The following HOXB6 variants were observed in gnomAD, a reference collection of about 807,000 sequenced individuals.
HOXB6 encodes homeobox B6, also known as homeobox protein Hox-B6.
HOXB6 carries 18 observed loss-of-function variants against 24.2 expected under a neutral mutation model. That is an observed-to-expected ratio of 0.74 (90% confidence interval 0.51 to 1.10). The LOEUF (loss-of-function observed/expected upper bound fraction) is 1.10. Among genes scored for constraint, HOXB6 ranks in the 50% least tolerant of loss-of-function variants. The pLI, the probability that HOXB6 is intolerant of heterozygous loss-of-function variation, is 0.00. For missense variants in HOXB6, 332 were observed against 308.3 expected (o/e 1.08, Z -0.58); for synonymous variants, 159 against 139.1 (o/e 1.14, Z -1.01).
intron 1 of HOXB6, 42 bp downstream of exon 1, chr17:48,604,820 T>TCTCTCC (rs2070545137): frequency 6.7e-6 from 1 of 149,922 alleles, no homozygotes; most frequent in African/African-American, 2.4e-5. Context: ...CACCCCTCCT[T>TCTCTCC]CTCTCCCTCT....
In HOXB6 at chr17:48,604,541, A is replaced by C. The variant is rs2070540264; in HGVS notation, c.-140T>G. ...TAAAGGAATGGGTGGGGAGGAAGGA[A>C]GGAGTATTCAGTTTCTTCTTCAGCT... is the stretch of plus-strand genomic sequence containing the variant. On this transcript the variant is annotated 5_prime_UTR_variant, in exon 2 of 4. Coordinates refer to ENST00000225648, the MANE Select transcript of HOXB6 (RefSeq NM_018952.5). 1 of 152,608 alleles carries C rather than the reference A, an allele frequency of 6.6e-6. No homozygotes were observed. Among genetic ancestry groups the C allele is most frequent in the African/African-American group, 2.4e-5 (1 of 41,424 alleles). The allele number at this position is 152,608 out of a possible 1,614,324, so 9.5% of individuals were successfully genotyped here. A position where few individuals can be genotyped will look rare whatever the true frequency, so the allele number is the denominator to read the frequency against.
In HOXB6 at chr17:48,597,720, G is replaced by A. The variant is rs1402643722; in HGVS notation, c.415+16C>T. On this transcript the variant is annotated intron_variant, in intron 3 of 3. Transcript: ENST00000225648. ...CCAGGGGAGCCGGGGCGACGGCGAC[G>A]GGAAGTCTCACTCACTGTTGCACGA... 3 of 1,610,980 alleles carry A rather than the reference G, an allele frequency of 1.9e-6. No homozygotes were observed. Among genetic ancestry groups the A allele is most frequent in the Non-Finnish European group, 2.5e-6 (3 of 1,178,722 alleles).
At chr17:48,602,224 A>G (rs1426935828) in intron 2 of HOXB6, 1 of 456,120 alleles carries the variant, frequency 2.2e-6, no homozygotes, top group Non-Finnish European at 4.4e-6. Flanking sequence ...CCAGGAGAAC[A>G]CAGACCCGGT....
At chr17:48,598,556 C>T (rs889723870) in intron 2 of HOXB6, among the ~76,000 whole-genome samples, 26 of 152,240 alleles carry the variant, frequency 1.7e-4, no homozygotes, top group African/African-American at 6.0e-4. Context: ...ACCCCACTCC[C>T]GGGTGATTAA....
intron 3 of HOXB6, chr17:48,597,091 G>C (rs1175405837): frequency 5.5e-6 from 6 of 1,095,360 alleles, no homozygotes; most frequent in African/African-American, 1.7e-5. Context: ...CCTCACTTTC[G>C]AGTCCGGCTA....
At position 48,597,096 on chromosome 17, in the gene HOXB6, C is replaced by G. The variant is rs377171135; in HGVS notation, c.416-424G>C. On this transcript the variant is annotated intron_variant, in intron 3 of 3. Transcript: ENST00000225648. ...ATTAACGGCTCCTCACTTTCGAGTCCGGCTAATGGACATCAGTTGGGACTT... is the reference window on the plus strand; with the variant it reads ...ATTAACGGCTCCTCACTTTCGAGTCGGGCTAATGGACATCAGTTGGGACTT... 1.1e-5 allele frequency: 12 copies of G among 1,093,406 alleles called. No homozygotes were observed. The African/African-American group carries it at 1.3e-4, about 12-fold the overall frequency. 67.7% of individuals were successfully genotyped at this position (1,093,406 alleles called of 1,614,324 possible).
chr17:48,596,678 A>T lies in HOXB6; in HGVS notation c.416-6T>A, dbSNP rs376188487. 1 of 1,611,750 alleles carries T rather than the reference A, an allele frequency of 6.2e-7. No individual in the cohort carries two copies. The highest frequency in any genetic ancestry group is 8.5e-7 in the Non-Finnish European group (1 of 1,180,008). On this transcript the variant is annotated splice_region_variant and splice_polypyrimidine_tract_variant and intron_variant, in intron 3 of 3. Transcript: ENST00000225648. The surrounding 1 kb of genome is among the most constrained non-coding windows in gnomAD (Gnocchi z 4.8). The stretch of plus-strand genomic sequence containing the variant: ...GCTGGGCCCAAAGGAGGAACCTGTT[A>T]CGCAGAGTGGAGATGCTGAGGCCTG...
chr17:48,602,690 C>A (rs1334372361), intron 2 of HOXB6, among the ~76,000 whole-genome samples: 6 of 152,126 alleles, frequency 3.9e-5, no homozygotes, highest in African/African-American at 1.4e-4. Flanking sequence ...GGGCTCCAGG[C>A]GTCGGGCACC....
chr17:48,596,391 C>A lies in HOXB6; in HGVS notation c.*22G>T. 6.2e-7 allele frequency: 1 copy of A among 1,614,210 alleles called. No homozygotes were observed. Among genetic ancestry groups the A allele is most frequent in the Non-Finnish European group, 8.5e-7 (1 of 1,180,016 alleles). The stretch of plus-strand genomic sequence containing the variant: ...TCCCCACAGGCCTTTCCCCTCGCGT[C>A]CTCCCTCCCTTTCCAGCACCTTCAC... On this transcript the variant is annotated 3_prime_UTR_variant, in exon 4 of 4. Coordinates refer to ENST00000225648, the MANE Select transcript of HOXB6 (RefSeq NM_018952.5). The surrounding 1 kb of genome is among the most constrained non-coding windows in gnomAD (Gnocchi z 4.8).
In HOXB6 at chr17:48,596,923, AG is replaced by A; in HGVS notation, c.416-252del. 1.5e-6 allele frequency: 2 copies of A among 1,366,386 alleles called. No homozygotes were observed. The highest frequency in any genetic ancestry group is 1.9e-6 in the Non-Finnish European group (2 of 1,049,876). 84.6% of individuals were successfully genotyped at this position (1,366,386 alleles called of 1,614,324 possible). On this transcript the variant is annotated intron_variant, in intron 3 of 3. Coordinates refer to ENST00000225648, the MANE Select transcript of HOXB6 (RefSeq NM_018952.5). This position sits in a 1 kb window ranked among gnomAD's most constrained non-coding sequence, Gnocchi z 4.8. ...TGAACTCCCACCTGAGCCTGGGGGG[AG>A]GGGCTGGTCAGGTGTGTCTCTTCCT...
Position 48,597,893 on chromosome 17 carries a change from C to G in HOXB6, c.258G>C (p.Ser86=). 1 of 1,586,150 alleles carries G rather than the reference C, an allele frequency of 6.3e-7. No homozygotes were observed. Among genetic ancestry groups the G allele is most frequent in the Non-Finnish European group, 8.6e-7 (1 of 1,165,716 alleles). Reference sequence around the variant, plus strand: ...CGTCGGCGCCGGAGAGTGCGCAGGCCGACTCTTTCTCGCGGTAGAAGGCCG... The same window carrying G: ...CGTCGGCGCCGGAGAGTGCGCAGGCGGACTCTTTCTCGCGGTAGAAGGCCG... The part of the protein sequence containing the change: ...PAPAFYREKE[S]ACALSGADEQ... The change falls in exon 3 of 4, where the codon TCG becomes TCC. Residue 86 remains serine (S), a synonymous_variant. Transcript: ENST00000225648.
intron 2 of HOXB6, chr17:48,602,536 G>A (rs2144980835): frequency 4.4e-6 from 1 of 226,582 alleles, no homozygotes; most frequent in African/African-American, 2.3e-5. Context: ...GCTAGGATGG[G>A]CGGGGACGGG....
At chr17:48,601,897 G>C (rs2070474612) in intron 2 of HOXB6, 1 of 319,484 alleles carries the variant, frequency 3.1e-6, no homozygotes, top group South Asian at 2.5e-5. Flanking sequence ...GTGAGACAGG[G>C]GCCAATATTC....
chr17:48,601,018 G>A (rs1174580835), intron 2 of HOXB6, among the ~76,000 whole-genome samples: 1 of 139,056 alleles, frequency 7.2e-6, no homozygotes, highest in African/African-American at 2.5e-5. Flanking sequence ...GTGTGTGTGT[G>A]TGGTGTGGTG....
At chr17:48,599,067 C>A (rs2070393573) in intron 2 of HOXB6, among the ~76,000 whole-genome samples, 1 of 152,326 alleles carries the variant, frequency 6.6e-6, no homozygotes, top group Admixed American at 6.5e-5. Context: ...CAGCTGCTCA[C>A]CCTTGGCAGG....
intron 2 of HOXB6, among the ~76,000 whole-genome samples, chr17:48,603,240 A>C (rs1354244935): frequency 6.6e-6 from 1 of 152,214 alleles, no homozygotes; most frequent in Non-Finnish European, 1.5e-5. Context: ...TCTTGGCTGG[A>C]AGCTTCCCCA....
At chr17:48,602,388 G>A in intron 2 of HOXB6, 1 of 366,676 alleles carries the variant, frequency 2.7e-6, no homozygotes, top group Non-Finnish European at 5.4e-6. Flanking sequence ...GTGGGGTGGG[G>A]GTGGGGATGG....
intron 2 of HOXB6, chr17:48,601,711 T>A: frequency 5.4e-6 from 1 of 185,306 alleles, no homozygotes. Flanking sequence ...CCAGGCCCCT[T>A]AACCTCGTCA....
In HOXB6 at chr17:48,596,389, G is replaced by T. The variant is rs757957898; in HGVS notation, c.*24C>A. 1.9e-6 allele frequency: 3 copies of T among 1,614,110 alleles called. No homozygotes were observed. The Admixed American group carries it at 5.0e-5, about 27-fold the overall frequency. On this transcript the variant is annotated 3_prime_UTR_variant, in exon 4 of 4. Transcript: ENST00000225648. This position sits in a 1 kb window ranked among gnomAD's most constrained non-coding sequence, Gnocchi z 4.8. ...GCTCCCCACAGGCCTTTCCCCTCGC[G>T]TCCTCCCTCCCTTTCCAGCACCTTC...
Sources: allele counts gnomAD v4.1 joint callset (sites outside exome capture counted in the v4.1 genomes callset), GRCh38; gene constraint gnomAD v4.1.1; non-coding constraint Gnocchi (gnomAD v3.1); transcripts MANE v1.5; gene names NCBI Gene and HGNC (gene_info 2026-07-23, HGNC 2026-07-21).